The following UHRF2 variants were observed in gnomAD, a reference collection of about 807,000 sequenced individuals.
The protein encoded by UHRF2 is ubiquitin like with PHD and ring finger domains 2, also known as E3 ubiquitin-protein ligase UHRF2.
Under a neutral mutation model 96.8 loss-of-function variants are expected in UHRF2, and 23 were observed. That is an observed-to-expected ratio of 0.24 (90% CI 0.17 to 0.34). The LOEUF (loss-of-function observed/expected upper bound fraction) is 0.34. Among genes scored for constraint, UHRF2 ranks in the 10% least tolerant of loss-of-function variants. The probability of loss-of-function intolerance (pLI) is 1.00; values close to 1 mark genes in which losing one functional copy is unlikely to be tolerated. For missense variants in UHRF2, 685 were observed against 981.5 expected (o/e 0.70, Z 4.04); for synonymous variants, 385 against 332.6 (o/e 1.16, Z -1.72).
chr9:6,419,458 C>A (rs1175749456), intron 1 of UHRF2, among the ~76,000 whole-genome samples: 2 of 151,982 alleles, frequency 1.3e-5, no homozygotes, highest in East Asian at 1.9e-4. Flanking sequence ...ATTATCCCTT[C>A]TTGTTTTTTT....
chr9:6,496,870 C>T (rs1219810660), intron 10 of UHRF2: 1 of 189,164 alleles, frequency 5.3e-6, no homozygotes, highest in East Asian at 1.2e-4. Flanking sequence ...CCAACGTTCT[C>T]CCTTCCCCCA....
chr9:6,425,946 A>G (rs1332231846), intron 2 of UHRF2, among the ~76,000 whole-genome samples: 1 of 152,194 alleles, frequency 6.6e-6, no homozygotes, highest in Non-Finnish European at 1.5e-5. Flanking sequence ...TTACATTATT[A>G]CTTTTCATCT....
intron 13 of UHRF2, 110 bp from the exon 14 acceptor site, chr9:6,500,442 T>C (rs1023747646): frequency 1.1e-6 from 1 of 928,652 alleles, no homozygotes; most frequent in African/African-American, 1.7e-5. Context: ...TGCTGTTTTA[T>C]GTTGGTTATC....
At chr9:6,424,555 T>A (rs1321391532) in intron 2 of UHRF2, among the ~76,000 whole-genome samples, 1 of 152,180 alleles carries the variant, frequency 6.6e-6, no homozygotes. Flanking sequence ...AGTTTTAGAT[T>A]TGTAGCAAAA....
Position 6,420,976 on chromosome 9 carries a change from T to C in UHRF2, c.218T>C (p.Val73Ala). 1 of 1,614,190 alleles carries C rather than the reference T, an allele frequency of 6.2e-7. No individual in the cohort carries two copies. The highest frequency in any genetic ancestry group is 8.5e-7 in the Non-Finnish European group (1 of 1,180,032). Residue 73 changes from valine (V) to alanine (A), a missense_variant, in exon 2 of 16, where the codon GTT becomes GCT. Coordinates refer to ENST00000276893, the MANE Select transcript of UHRF2 (RefSeq NM_152896.3). The stretch of plus-strand genomic sequence containing the variant: ...CTGAATGATATAATTCAGCTGCTAG[T>C]TCGCCCAGACCCTGATCATCTTCCT... ...VGLNDIIQLL[V>A]RPDPDHLPGT...
At chr9:6,490,677 G>A (rs530801259) in intron 9 of UHRF2, among the ~76,000 whole-genome samples, 7 of 152,156 alleles carry the variant, frequency 4.6e-5, no homozygotes, top group African/African-American at 7.2e-5. Context: ...TTATTTTCTT[G>A]TTTCCATGTT....
At chr9:6,456,286 G>A (rs1399642617) in intron 3 of UHRF2, among the ~76,000 whole-genome samples, 6 of 152,140 alleles carry the variant, frequency 3.9e-5, no homozygotes, top group South Asian at 2.1e-4. Context: ...CTAATGACCA[G>A]TGATGATGAG....
chr9:6,502,887 C>G (rs1324380228), intron 14 of UHRF2, among the ~76,000 whole-genome samples: 1 of 151,822 alleles, frequency 6.6e-6, no homozygotes, highest in East Asian at 1.9e-4. Context: ...AATACTTTGT[C>G]TGTAATATAT....
intron 3 of UHRF2, among the ~76,000 whole-genome samples, chr9:6,455,006 T>A (rs1822092361): frequency 6.6e-6 from 1 of 152,152 alleles, no homozygotes; most frequent in South Asian, 2.1e-4. Flanking sequence ...GGACCATACT[T>A]TGAGAACCAC....
intron 9 of UHRF2, among the ~76,000 whole-genome samples, chr9:6,491,538 AT>A (rs1408152881): frequency 1.3e-5 from 2 of 152,152 alleles, no homozygotes; most frequent in African/African-American, 4.8e-5. Context: ...AGTTTGGAGA[AT>A]GTTTGTCTTC....
At chr9:6,441,077 G>C (rs929107096) in intron 3 of UHRF2, among the ~76,000 whole-genome samples, 1 of 152,158 alleles carries the variant, frequency 6.6e-6, no homozygotes, top group Non-Finnish European at 1.5e-5. Flanking sequence ...TCAGCACCAC[G>C]TGTTAGAAAT....
At chr9:6,481,966 C>G in intron 7 of UHRF2, 26 bp from the exon 8 acceptor site, 2 of 1,605,056 alleles carry the variant, frequency 1.2e-6, no homozygotes, top group Non-Finnish European at 1.7e-6. Flanking sequence ...TAACTGATTT[C>G]TCAACGTTTG....
intron 9 of UHRF2, among the ~76,000 whole-genome samples, chr9:6,493,579 G>A (rs939519309): frequency 1.3e-5 from 2 of 152,070 alleles, no homozygotes; most frequent in African/African-American, 4.8e-5. Context: ...TACATATATA[G>A]CATGAGACTA....
intron 8 of UHRF2, among the ~76,000 whole-genome samples, chr9:6,483,018 T>C (rs888251953): frequency 6.6e-6 from 1 of 152,096 alleles, no homozygotes. Context: ...CCAAAGTCTG[T>C]GGATGCTCAA....
intron 2 of UHRF2, among the ~76,000 whole-genome samples, chr9:6,432,164 C>T (rs555891873): frequency 1.8e-3 from 279 of 152,280 alleles, no homozygotes; most frequent in Non-Finnish European, 3.2e-3. Context: ...TCCTACCCAG[C>T]ATGGTTGGCT....
At chr9:6,413,704 G>A in intron 1 of UHRF2, 61 bp downstream of exon 1, 19 of 1,433,262 alleles carry the variant, frequency 1.3e-5, no homozygotes, top group Non-Finnish European at 1.7e-5. Flanking sequence ...GGCTCCTCTG[G>A]ACGCACCGGT....
intron 14 of UHRF2, 50 bp from the exon 15 acceptor site, chr9:6,504,543 A>G (rs1157726396): frequency 4.0e-6 from 5 of 1,246,180 alleles, no homozygotes; most frequent in Middle Eastern, 1.9e-4. Context: ...TTTTATTAGC[A>G]TATTATGAAC....
At chr9:6,496,811 T>C (rs10119350) in intron 10 of UHRF2, 14,158 of 159,450 alleles carry the variant, frequency 0.089, 1,275 homozygotes, top group African/African-American at 0.24. Context: ...CAATTCACCT[T>C]ACACCCTTAC....
intron 4 of UHRF2, among the ~76,000 whole-genome samples, chr9:6,473,269 A>G (rs949581430): frequency 6.6e-6 from 1 of 152,244 alleles, no homozygotes; most frequent in African/African-American, 2.4e-5. Context: ...GTTGAGACAT[A>G]CCAAATATAT....
Sources: gnomAD v4.1 joint callset for allele counts (sites outside exome capture counted in the v4.1 genomes callset) on GRCh38, gnomAD v4.1.1 for gene constraint, MANE v1.5 for transcripts, NCBI Gene and HGNC (gene_info 2026-07-23, HGNC 2026-07-21) for gene names.